The following PTCHD4 variants were observed in gnomAD, a reference collection of about 807,000 sequenced individuals.
PTCHD4 encodes the protein patched domain-containing protein 4.
Under a neutral mutation model 58.1 loss-of-function variants are expected in PTCHD4, and 33 were observed. The ratio of observed to expected loss-of-function variants is 0.57; its 90% CI spans 0.43 to 0.76. The LOEUF is 0.76. Ranked by LOEUF, PTCHD4 falls within the 30% of genes least tolerant of loss-of-function variation. The pLI is 0.00. For synonymous variants in PTCHD4, 478 were observed against 409.6 expected (o/e 1.17, Z -2.02); for missense variants, 1,058 against 1,027.1 (o/e 1.03, Z -0.41).
rs1581791338 is a variant in PTCHD4, at chr6:47,860,185, T to A, written c.*18118A>T. On this transcript the variant is annotated 3_prime_UTR_variant, in exon 5 of 5. Coordinates refer to ENST00000339488, the MANE Select transcript of PTCHD4 (RefSeq NM_001384253.1). ...CATGCAATCATTTCTTGTGCTTTATTGTGAGTGACTATTTCTTCTGTCAGC... is the reference window on the plus strand; with the variant it reads ...CATGCAATCATTTCTTGTGCTTTATAGTGAGTGACTATTTCTTCTGTCAGC... Among the ~76,000 whole-genome samples, 7 of 152,148 alleles carry A rather than the reference T, an allele frequency of 4.6e-5. No homozygotes were observed. In the Middle Eastern group the frequency reaches 0.02, roughly 444 times the overall value.
chr6:48,042,410 A>G (rs1763878016), intron 3 of PTCHD4, among the ~76,000 whole-genome samples: 1 of 152,002 alleles, frequency 6.6e-6, no homozygotes, highest in African/African-American at 2.4e-5. Context: ...TAATCTTCAA[A>G]ATAAGGATCT....
chr6:48,091,939 C>T (rs1023090606), intron 1 of PTCHD4, among the ~76,000 whole-genome samples: 1 of 151,858 alleles, frequency 6.6e-6, no homozygotes, highest in African/African-American at 2.4e-5. Flanking sequence ...CATGAGCCAC[C>T]ACGAGAAATT....
At chr6:48,006,700 T>C (rs991181031) in intron 4 of PTCHD4, among the ~76,000 whole-genome samples, 4 of 152,238 alleles carry the variant, frequency 2.6e-5, no homozygotes, top group Non-Finnish European at 1.5e-5. Context: ...AATATTAATA[T>C]GTATTTAGAG....
rs1763486954 is a variant in PTCHD4, at chr6:47,863,726, G to T, written c.*14577C>A. On this transcript the variant is annotated 3_prime_UTR_variant, in exon 5 of 5. Coordinates refer to ENST00000339488, the MANE Select transcript of PTCHD4 (RefSeq NM_001384253.1). ...GTTCTAGTTAAACCAGTCTATAACA[G>T]GACTTCTCTGAAAATGACACATTCT... Among the ~76,000 whole-genome samples, 1 of 151,908 alleles carries T rather than the reference G, an allele frequency of 6.6e-6. No homozygotes were observed. The highest frequency in any genetic ancestry group is 2.4e-5 in the African/African-American group (1 of 41,392).
At chr6:48,104,051 C>T (rs567625993) in intron 1 of PTCHD4, among the ~76,000 whole-genome samples, 2 of 152,324 alleles carry the variant, frequency 1.3e-5, no homozygotes, top group Admixed American at 6.5e-5. Context: ...AGGAGAACTT[C>T]CCCAATCTAG....
At chr6:47,993,305 T>A (rs1475656371) in intron 4 of PTCHD4, among the ~76,000 whole-genome samples, 1 of 152,154 alleles carries the variant, frequency 6.6e-6, no homozygotes, top group Non-Finnish European at 1.5e-5. Flanking sequence ...GGTAAAAACA[T>A]GTATGTTAGA....
In PTCHD4 at chr6:48,008,794, G is replaced by A. The variant is rs771859748; in HGVS notation, c.738C>T (p.Thr246=). 13 of 1,613,884 alleles carry A rather than the reference G, an allele frequency of 8.1e-6. No individual in the cohort carries two copies. The highest frequency in any genetic ancestry group is 1.0e-5 in the Non-Finnish European group (12 of 1,179,912). ...VSLVLILTTA[T]LSSSMKDCLR... is the part of the protein sequence containing the mutation. ...AGCAGTCCTTCATGGAGCTGGAGAG[G>A]GTGGCTGTGGTCAGGATCAGCACGA... is the stretch of plus-strand genomic sequence containing the variant. The change falls in exon 4 of 5, where the codon ACC becomes ACT. Residue 246 remains threonine (T), a synonymous_variant. Coordinates refer to ENST00000339488, the MANE Select transcript of PTCHD4 (RefSeq NM_001384253.1).
At chr6:47,880,071 C>A (rs943600273) in intron 4 of PTCHD4, 135 bp from the exon 5 acceptor site, 2 of 719,388 alleles carry the variant, frequency 2.8e-6, no homozygotes, top group Non-Finnish European at 4.3e-6. Context: ...CCTATCAGGG[C>A]CTCAAAAGTT....
At position 47,860,252 on chromosome 6, in the gene PTCHD4, A is replaced by G. The variant is rs999031935; in HGVS notation, c.*18051T>C. On this transcript the variant is annotated 3_prime_UTR_variant, in exon 5 of 5. Coordinates refer to ENST00000339488, the MANE Select transcript of PTCHD4 (RefSeq NM_001384253.1). ...CAAGCAATTTAAAGGTAGAAAACACATCATACTTTTTCTTCATCCCATATA... is the reference window on the plus strand; with the variant it reads ...CAAGCAATTTAAAGGTAGAAAACACGTCATACTTTTTCTTCATCCCATATA... 6.6e-6 allele frequency among the ~76,000 whole-genome samples: 1 copy of G among 152,086 alleles called. No homozygotes were observed. Among genetic ancestry groups the G allele is most frequent in the Non-Finnish European group, 1.5e-5 (1 of 67,984 alleles).
intron 4 of PTCHD4, among the ~76,000 whole-genome samples, chr6:47,998,369 A>G (rs1768583075): frequency 6.6e-6 from 1 of 152,248 alleles, no homozygotes; most frequent in Non-Finnish European, 1.5e-5. Flanking sequence ...AGAGCAGCAC[A>G]TATTGAACAA....
At chr6:47,982,967 A>G (rs1767939852) in intron 4 of PTCHD4, among the ~76,000 whole-genome samples, 1 of 152,236 alleles carries the variant, frequency 6.6e-6, no homozygotes, top group African/African-American at 2.4e-5. Context: ...GAAATTTTTT[A>G]AAAGGCTATG....
At chr6:47,932,104 C>T (rs115807677) in intron 4 of PTCHD4, among the ~76,000 whole-genome samples, 426 of 152,294 alleles carry the variant, frequency 2.8e-3, no homozygotes, top group Middle Eastern at 0.01. Context: ...AACACTCCTG[C>T]TTAGCTTGCA....
At chr6:48,060,542 T>G (rs1047132140) in intron 3 of PTCHD4, among the ~76,000 whole-genome samples, 7 of 152,330 alleles carry the variant, frequency 4.6e-5, no homozygotes, top group African/African-American at 1.7e-4. Flanking sequence ...GATGCAGTCT[T>G]GGCTCACTGC....
intron 1 of PTCHD4, among the ~76,000 whole-genome samples, chr6:48,084,617 T>C (rs1765227581): frequency 6.6e-6 from 1 of 152,206 alleles, no homozygotes; most frequent in Admixed American, 6.5e-5. Context: ...ATAAGCACTA[T>C]TTGGCTTTTC....
At chr6:48,031,029 C>G (rs562700695) in intron 3 of PTCHD4, among the ~76,000 whole-genome samples, 1 of 151,992 alleles carries the variant, frequency 6.6e-6, no homozygotes, top group African/African-American at 2.4e-5. Flanking sequence ...GAACAAAAGG[C>G]GAAACTGACA....
At chr6:47,888,335 C>T (rs537229431) in intron 4 of PTCHD4, among the ~76,000 whole-genome samples, 24 of 151,778 alleles carry the variant, frequency 1.6e-4, no homozygotes, top group Middle Eastern at 6.8e-3. Context: ...CCAGCCTGGG[C>T]GACAGCGCGA....
rs117166862 is a variant in PTCHD4 at position 48,059,143 on chromosome 6, C to T, written c.417+9087G>A. On this transcript the variant is annotated intron_variant, in intron 3 of 4. Transcript: ENST00000339488. Reference sequence around the variant, plus strand: ...TCCTACTCAGAGTGTGGATCATGTACCAGCACCATCAGTGTCACTCGGGAG... The same window carrying T: ...TCCTACTCAGAGTGTGGATCATGTATCAGCACCATCAGTGTCACTCGGGAG... Among the ~76,000 whole-genome samples, 219 of 152,166 alleles carry T rather than the reference C, an allele frequency of 1.4e-3. 1 individual carries two copies. In the East Asian group the frequency reaches 0.032, roughly 22 times the overall value.
chr6:47,899,280 T>C (rs776579980), intron 4 of PTCHD4, among the ~76,000 whole-genome samples: 3 of 152,210 alleles, frequency 2.0e-5, no homozygotes, highest in Non-Finnish European at 4.4e-5. Context: ...GATGTCTCTT[T>C]TTTCCCAAAT....
rs1261556753 is a variant in PTCHD4 at position 48,068,920 on chromosome 6, C to G, written c.5+33G>C. ...GGGCCCACCCCCTCCCCGGTCTCCC[C>G]GCGCCCTCGCCGCCTCCCGCGCTGG... On this transcript the variant is annotated intron_variant, in intron 2 of 4. Transcript: ENST00000339488. This position sits in a 1 kb window ranked among gnomAD's most constrained non-coding sequence, Gnocchi z 4.2. Among the ~76,000 whole-genome samples, 2 of 151,796 alleles carry G rather than the reference C, an allele frequency of 1.3e-5. No homozygotes were observed. Among genetic ancestry groups the G allele is most frequent in the South Asian group, 2.1e-4 (1 of 4,792 alleles).
Sources: gnomAD v4.1 joint callset for allele counts (sites outside exome capture counted in the v4.1 genomes callset) on GRCh38, gnomAD v4.1.1 for gene constraint, Gnocchi (gnomAD v3.1) non-coding constraint, MANE v1.5 for transcripts, NCBI Gene and HGNC (gene_info 2026-07-23, HGNC 2026-07-21) for gene names.